PALLD: variants seen among roughly 807,000 people sequenced by gnomAD.
PALLD encodes the protein palladin.
PALLD carries 61 observed loss-of-function variants against 123.5 expected under a neutral mutation model. The ratio of observed to expected loss-of-function variants is 0.49; its 90% CI spans 0.40 to 0.61. PALLD has a LOEUF of 0.61. PALLD is among the 20% of genes least tolerant of loss of function. The probability of loss-of-function intolerance (pLI) is 0.00; values close to 1 mark genes in which losing one functional copy is unlikely to be tolerated. For missense variants in PALLD, 1,273 were observed against 1,377.0 expected, an observed-to-expected ratio of 0.92 and a Z score of 1.20; for synonymous variants, 465 against 496.4, an observed-to-expected ratio of 0.94 and a Z score of 0.84.
intron 2 of PALLD, among the ~76,000 whole-genome samples, chr4:168,607,727 G>T (rs1431334105): frequency 6.6e-6 from 1 of 151,766 alleles, no homozygotes; most frequent in African/African-American, 2.4e-5. Flanking sequence ...CTGTTATTCT[G>T]TTCCTCTATA....
chr4:168,711,726 C>G lies in PALLD; in HGVS notation c.1767C>G (p.Asn589Lys). Residue 589 changes from asparagine to lysine, a missense_variant, in exon 10 of 22, where the codon AAC becomes AAG. Coordinates refer to ENST00000505667, the MANE Select transcript of PALLD (RefSeq NM_001166108.2). ...CATCTGAGATCCAGCAGGTGAACAA[C>G]CCTGAGTTAGGCCTGAGCAGGGCAG... ...KKPSEIQQVNNPELGLSRAAL... is the reference protein window; with the variant it reads ...KKPSEIQQVNKPELGLSRAAL... The G allele has an allele frequency of 6.2e-7, 1 of 1,614,166 alleles. No homozygotes were observed.
At chr4:168,656,679 C>T (rs1266144138) in intron 2 of PALLD, among the ~76,000 whole-genome samples, 1 of 152,058 alleles carries the variant, frequency 6.6e-6, no homozygotes, top group Admixed American at 6.6e-5. Context: ...CCGGCTTGGG[C>T]AATATATGTT....
intron 10 of PALLD, among the ~76,000 whole-genome samples, chr4:168,794,498 A>G (rs909948513): frequency 1.5e-4 from 18 of 123,658 alleles, no homozygotes; most frequent in East Asian, 5.7e-4. Flanking sequence ...ATGCACGCAC[A>G]CACACACGCA....
intron 2 of PALLD, among the ~76,000 whole-genome samples, chr4:168,520,250 C>T (rs1158559615): frequency 1.3e-5 from 2 of 148,482 alleles, no homozygotes; most frequent in Non-Finnish European, 3.0e-5. Flanking sequence ...GGCTTGAATC[C>T]GGGAGGCGGA....
chr4:168,804,926 C>T (rs1739935593), intron 10 of PALLD, among the ~76,000 whole-genome samples: 1 of 151,916 alleles, frequency 6.6e-6, no homozygotes, highest in Non-Finnish European at 1.5e-5. Flanking sequence ...TTTGGGAGGC[C>T]AAGGCGGGCA....
intron 10 of PALLD, among the ~76,000 whole-genome samples, chr4:168,719,060 A>G (rs1785674491): frequency 6.6e-6 from 1 of 150,906 alleles, no homozygotes; most frequent in South Asian, 2.1e-4. Context: ...GACGTGTACC[A>G]CAACACCTGG....
chr4:168,704,348 G>A (rs1249472008), intron 8 of PALLD, among the ~76,000 whole-genome samples: 2 of 152,194 alleles, frequency 1.3e-5, no homozygotes, highest in African/African-American at 2.4e-5. Flanking sequence ...TTAAAAGATA[G>A]AGAACCATAT....
chr4:168,759,448 A>G (rs10021297), intron 10 of PALLD, among the ~76,000 whole-genome samples: 58,025 of 150,796 alleles, frequency 0.38, 12,423 homozygotes, highest in East Asian at 0.56. Context: ...TCACTCACCT[A>G]TTCAAGGAAA....
intron 2 of PALLD, among the ~76,000 whole-genome samples, chr4:168,640,143 G>A (rs1036421095): frequency 3.3e-5 from 5 of 152,140 alleles, no homozygotes; most frequent in South Asian, 2.1e-4. Flanking sequence ...TGTTTCAAGC[G>A]ATAGCCGGGC....
chr4:168,910,701 A>G (rs1302596839), intron 15 of PALLD, among the ~76,000 whole-genome samples: 1 of 152,170 alleles, frequency 6.6e-6, no homozygotes, highest in African/African-American at 2.4e-5. Context: ...CAGAGAAGGA[A>G]ACTTAGAAAG....
chr4:168,601,259 G>A (rs1772617436), intron 2 of PALLD, among the ~76,000 whole-genome samples: 1 of 152,096 alleles, frequency 6.6e-6, no homozygotes, highest in Non-Finnish European at 1.5e-5. Context: ...TGAATGCCTT[G>A]TTTTAGAGAA....
chr4:168,863,647 T>C (rs1023550997), intron 10 of PALLD: 2 of 152,224 alleles, frequency 1.3e-5, no homozygotes, highest in African/African-American at 4.8e-5. Context: ...AAGTTTCCTC[T>C]ATGAGGTCAT....
intron 10 of PALLD, among the ~76,000 whole-genome samples, chr4:168,764,050 C>G (rs1483037855): frequency 6.6e-6 from 1 of 152,112 alleles, no homozygotes; most frequent in East Asian, 1.9e-4. Context: ...TTGTGGATAT[C>G]AGAGTGCCAC....
At chr4:168,723,289 C>G (rs1786204318) in intron 10 of PALLD, among the ~76,000 whole-genome samples, 1 of 152,116 alleles carries the variant, frequency 6.6e-6, no homozygotes. Flanking sequence ...TGGAGTGCAC[C>G]AACTTCAAAA....
At chr4:168,781,224 G>A (rs1735878094) in intron 10 of PALLD, among the ~76,000 whole-genome samples, 1 of 152,182 alleles carries the variant, frequency 6.6e-6, no homozygotes, top group Non-Finnish European at 1.5e-5. Context: ...GAGAATTACT[G>A]GACTTTGGCT....
At chr4:168,622,898 T>A (rs1024858214) in intron 2 of PALLD, among the ~76,000 whole-genome samples, 1 of 152,180 alleles carries the variant, frequency 6.6e-6, no homozygotes, top group Non-Finnish European at 1.5e-5. Context: ...GAAATGAGGA[T>A]CCCTTTTATT....
At position 168,915,284 on chromosome 4, in the gene PALLD, C is replaced by T. The variant is rs902580759; in HGVS notation, c.2718-611C>T. ...AAGTCTTCCCTGCGATTACTTTCAA[C>T]TGTATTCCTCTTAAAGGTTTCTCTG... On this transcript the variant is annotated intron_variant, in intron 16 of 21. Transcript: ENST00000505667. Among the ~76,000 whole-genome samples the T allele has an allele frequency of 5.3e-5, 8 of 152,210 alleles. No homozygotes were observed. In the South Asian group the frequency reaches 6.2e-4, roughly 12 times the overall value.
rs1762536258 is a variant in PALLD, at chr4:168,511,619, A to G, written c.115A>G (p.Ile39Val). 2 of 1,614,040 alleles carry G rather than the reference A, an allele frequency of 1.2e-6. No homozygotes were observed. The highest frequency in any genetic ancestry group is 2.2e-5 in the South Asian group (2 of 91,090). ...TTCTGCTTTCCTCAGCCAGGAAGAGATAAACAAGAGTCTTGACCTGGCCCG... is the reference window on the plus strand; with the variant it reads ...TTCTGCTTTCCTCAGCCAGGAAGAGGTAAACAAGAGTCTTGACCTGGCCCG... The part of the protein sequence containing the change: ...GLSAFLSQEE[I>V]NKSLDLARRA... Residue 39 changes from isoleucine to valine, a missense_variant, in exon 2 of 22, where the codon ATA (isoleucine) becomes GTA (valine). This residue lies in a region of PALLD where 944 missense variants were observed against 954.5 expected (regional missense o/e 0.99). Coordinates refer to ENST00000505667, the MANE Select transcript of PALLD (RefSeq NM_001166108.2).
chr4:168,658,532 C>T (rs939966273), intron 2 of PALLD, among the ~76,000 whole-genome samples: 4 of 152,008 alleles, frequency 2.6e-5, no homozygotes, highest in African/African-American at 4.8e-5. Context: ...AGTGATCCTT[C>T]CACCTTGGCC....
Sources: gnomAD v4.1 joint callset for allele counts (sites outside exome capture counted in the v4.1 genomes callset) on GRCh38, gnomAD v4.1.1 for gene constraint, gnomAD v4.1.1 regional missense constraint, MANE v1.5 for transcripts, NCBI Gene and HGNC (gene_info 2026-07-23, HGNC 2026-07-21) for gene names.